The following PDE3B variants were observed in gnomAD, a reference collection of about 807,000 sequenced individuals.
PDE3B encodes the protein cGMP-inhibited 3',5'-cyclic phosphodiesterase 3B.
A neutral mutation model predicts 116.8 loss-of-function variants in PDE3B; 66 were observed. The observed-to-expected ratio is 0.56, with a 90% CI of 0.46 to 0.69. The LOEUF (loss-of-function observed/expected upper bound fraction) is 0.69. Among genes scored for constraint, PDE3B ranks in the 30% least tolerant of loss-of-function variants. The pLI, the probability that PDE3B is intolerant of heterozygous loss-of-function variation, is 0.00. For synonymous variants in PDE3B, 595 were observed against 533.6 expected (o/e 1.12, Z -1.59); for missense variants, 1,384 against 1,368.1 (o/e 1.01, Z -0.18).
intron 4 of PDE3B, among the ~76,000 whole-genome samples, chr11:14,802,469 T>C (rs1858804718): frequency 6.6e-6 from 1 of 152,168 alleles, no homozygotes; most frequent in South Asian, 2.1e-4. Context: ...TCGCCGTCTT[T>C]GGGCTGCATC....
chr11:14,660,975 A>G (rs935980190), intron 1 of PDE3B, among the ~76,000 whole-genome samples: 3 of 152,192 alleles, frequency 2.0e-5, no homozygotes, highest in African/African-American at 7.2e-5. Context: ...ATGAGATACC[A>G]TCTCACACCA....
At chr11:14,817,682 G>T (rs1236097153) in intron 5 of PDE3B, among the ~76,000 whole-genome samples, 3 of 152,064 alleles carry the variant, frequency 2.0e-5, no homozygotes, top group African/African-American at 7.2e-5. Context: ...TCTGCAGTGA[G>T]CCATGATTGT....
chr11:14,716,231 C>A (rs1256780600), intron 1 of PDE3B, among the ~76,000 whole-genome samples: 1 of 152,212 alleles, frequency 6.6e-6, no homozygotes, highest in Middle Eastern at 3.2e-3. Context: ...AAACGGCGCA[C>A]CACGAGACTA....
intron 1 of PDE3B, among the ~76,000 whole-genome samples, chr11:14,743,955 A>T (rs1046912652): frequency 2.6e-5 from 4 of 152,150 alleles, no homozygotes; most frequent in African/African-American, 9.7e-5. Flanking sequence ...GAAATCACTC[A>T]CCTTCTGCAT....
At chr11:14,647,350 C>T (rs992641052) in intron 1 of PDE3B, among the ~76,000 whole-genome samples, 7 of 152,002 alleles carry the variant, frequency 4.6e-5, no homozygotes, top group Admixed American at 1.3e-4. Context: ...AGTCTGTGAA[C>T]CTTTCTGAAT....
chr11:14,850,939 C>G (rs1847735364), intron 12 of PDE3B, among the ~76,000 whole-genome samples: 1 of 151,680 alleles, frequency 6.6e-6, no homozygotes, highest in East Asian at 1.9e-4. Context: ...TGCCATTATC[C>G]TGCCTCAGTC....
chr11:14,692,355 T>C (rs1855065864), intron 1 of PDE3B, among the ~76,000 whole-genome samples: 1 of 152,150 alleles, frequency 6.6e-6, no homozygotes, highest in South Asian at 2.1e-4. Context: ...ATGACTGTTT[T>C]GGTGCAGTGC....
chr11:14,644,228 C>A lies in PDE3B; in HGVS notation c.153C>A (p.Leu51=). The A allele has an allele frequency of 1.3e-6, 2 of 1,587,292 alleles. No individual in the cohort carries two copies. Among genetic ancestry groups the A allele is most frequent in the African/African-American group, 1.4e-5 (1 of 73,878 alleles). ...QDPPRGFFFH[L]CRFCNVELRP... ...CTCCGCGCGGCTTCTTCTTCCACCT[C>A]TGCCGCTTCTGCAACGTGGAGCTGC... The change falls in exon 1 of 16, where the codon CTC becomes CTA. Residue 51 remains leucine, a synonymous_variant. Coordinates refer to ENST00000282096, the MANE Select transcript of PDE3B (RefSeq NM_000922.4).
intron 1 of PDE3B, among the ~76,000 whole-genome samples, chr11:14,737,898 T>C (rs2133861584): frequency 6.6e-6 from 1 of 152,114 alleles, no homozygotes; most frequent in Middle Eastern, 3.4e-3. Flanking sequence ...GGTAGTTTAC[T>C]GAGAATGATG....
At chr11:14,823,644 C>T (rs1032022150) in intron 7 of PDE3B, among the ~76,000 whole-genome samples, 1 of 152,082 alleles carries the variant, frequency 6.6e-6, no homozygotes, top group African/African-American at 2.4e-5. Context: ...TCAAACCTCC[C>T]TGGGATGGAG....
downstream of PDE3B, among the ~76,000 whole-genome samples, chr11:14,873,525 A>T (rs1211428365): frequency 6.6e-6 from 1 of 152,194 alleles, no homozygotes; most frequent in Admixed American, 6.5e-5. Flanking sequence ...TTTCTGATTT[A>T]GACAGCTGTC....
Position 14,744,633 on chromosome 11 carries a change from C to A in PDE3B, c.979-27304C>A, listed in dbSNP as rs2133869074. Among the ~76,000 whole-genome samples the A allele has an allele frequency of 1.3e-5, 2 of 152,228 alleles. 1 individual carries two copies. On this transcript the variant is annotated intron_variant, in intron 1 of 15. Coordinates refer to ENST00000282096, the MANE Select transcript of PDE3B (RefSeq NM_000922.4). ...CTCTTAAGATCCCAATGTGCATACA[C>A]AGAGAATAAAATAAATTGAGTAGTA...
intron 1 of PDE3B, among the ~76,000 whole-genome samples, chr11:14,709,600 A>G (rs897304979): frequency 6.6e-6 from 1 of 152,156 alleles, no homozygotes; most frequent in African/African-American, 2.4e-5. Context: ...GTGAATTCGG[A>G]TTACAGATTT....
rs565842588 is a variant in PDE3B, at chr11:14,773,986, G to A, written c.1029+1999G>A. The A allele has an allele frequency of 3.3e-5, 5 of 152,268 alleles. No individual in the cohort carries two copies. In the South Asian group the frequency reaches 6.2e-4, roughly 19 times the overall value. The allele number at this position is 152,268 out of a possible 1,614,324, so 9.4% of individuals were successfully genotyped here. A position where few individuals can be genotyped will look rare whatever the true frequency, so the allele number is the denominator to read the frequency against. ...CAATTTCGGTCTCCCAGCCCCTTGG[G>A]ACTATAGATCTCTACTCTGTTTTCT... On this transcript the variant is annotated intron_variant, in intron 2 of 15. Transcript: ENST00000282096.
At chr11:14,676,224 GT>G (rs1287254641) in intron 1 of PDE3B, among the ~76,000 whole-genome samples, 2 of 152,098 alleles carry the variant, frequency 1.3e-5, no homozygotes, top group Admixed American at 6.6e-5. Context: ...ACAGTCATGC[GT>G]TGCTTAACAG....
intron 2 of PDE3B, among the ~76,000 whole-genome samples, chr11:14,778,404 G>A (rs890176126): frequency 7.2e-5 from 11 of 152,332 alleles, no homozygotes; most frequent in Middle Eastern, 3.4e-3. Flanking sequence ...GCCTAACTGG[G>A]AGGCATCTCC....
At chr11:14,649,997 A>G (rs1853524687) in intron 1 of PDE3B, among the ~76,000 whole-genome samples, 2 of 151,198 alleles carry the variant, frequency 1.3e-5, no homozygotes, top group African/African-American at 2.4e-5. Context: ...GCACTTATTT[A>G]GGTTGTTGTT....
chr11:14,738,800 A>G (rs572149027), intron 1 of PDE3B, among the ~76,000 whole-genome samples: 2 of 152,316 alleles, frequency 1.3e-5, no homozygotes, highest in South Asian at 4.1e-4. Flanking sequence ...AAAGGGGTCC[A>G]GTTTCAGTTT....
At chr11:14,680,181 C>G (rs915295077) in intron 1 of PDE3B, among the ~76,000 whole-genome samples, 6 of 152,184 alleles carry the variant, frequency 3.9e-5, no homozygotes, top group Non-Finnish European at 7.4e-5. Context: ...AGGGAACACC[C>G]TTGGCAGAGG....
Sources: allele counts gnomAD v4.1 joint callset (sites outside exome capture counted in the v4.1 genomes callset), GRCh38; gene constraint gnomAD v4.1.1; transcripts MANE v1.5; gene names NCBI Gene and HGNC (gene_info 2026-07-23, HGNC 2026-07-21).